The following RABL6 variants were observed in gnomAD, a reference collection of about 807,000 sequenced individuals.
The protein encoded by RABL6 is RAB, member RAS oncogene family like 6.
A neutral mutation model predicts 72.9 loss-of-function variants in RABL6; 28 were observed. That is an observed-to-expected ratio of 0.38 (90% CI 0.28 to 0.53). The LOEUF is 0.53. RABL6 is among the 20% of genes least tolerant of loss of function. The pLI, the probability that RABL6 is intolerant of heterozygous loss-of-function variation, is 0.80. For synonymous variants in RABL6, 477 were observed against 421.2 expected (o/e 1.13, Z -1.62); for missense variants, 1,029 against 1,008.4 (o/e 1.02, Z -0.28).
chr9:136,829,890 T>C (rs1299422595), intron 5 of RABL6, among the ~76,000 whole-genome samples: 3 of 152,152 alleles, frequency 2.0e-5, no homozygotes, highest in African/African-American at 7.2e-5. Context: ...GACAGCGAAA[T>C]CAGCTAAGGG....
chr9:136,831,005 C>T (rs377049797), intron 5 of RABL6: 13 of 154,740 alleles, frequency 8.4e-5, no homozygotes, highest in African/African-American at 2.9e-4. Context: ...GCCCCTGGGC[C>T]GGCCTTGGTG....
In RABL6 at chr9:136,837,132, C is replaced by A. The variant is rs1378586171; in HGVS notation, c.810-214C>A. 1.1e-5 allele frequency: 8 copies of A among 698,396 alleles called. No individual in the cohort carries two copies. In the African/African-American group the frequency reaches 1.2e-4, roughly 11 times the overall value. 43.3% of individuals were successfully genotyped at this position (698,396 alleles called of 1,614,324 possible). On this transcript the variant is annotated intron_variant, in intron 8 of 14. Coordinates refer to ENST00000311502, the MANE Select transcript of RABL6 (RefSeq NM_024718.5). ...CCTCGTGATCTGCCTGCCTTGGCCT[C>A]CTACAGTGCTGGGATTACAGGCATG...
intron 1 of RABL6, chr9:136,815,201 G>A: frequency 3.1e-6 from 1 of 327,862 alleles, no homozygotes; most frequent in South Asian, 2.7e-5. Context: ...CCCCTTGGCT[G>A]GGGTGTCCCT....
intron 2 of RABL6, among the ~76,000 whole-genome samples, chr9:136,825,472 A>G (rs1848334432): frequency 6.8e-6 from 1 of 146,586 alleles, no homozygotes; most frequent in African/African-American, 2.6e-5. Context: ...CGTGCCCAGG[A>G]TCGGGGCCCT....
rs1459800193 is a variant in RABL6, at chr9:136,826,228, G to A, written c.313+402G>A. On this transcript the variant is annotated intron_variant, in intron 3 of 14. Transcript: ENST00000311502. This position sits in a 1 kb window ranked among gnomAD's most constrained non-coding sequence, Gnocchi z 4.9. Reference sequence around the variant, plus strand: ...GCTCCTGCGCTCCTGTCCCTGCCAGGGATCCCCAGCCACACAGACCTGCAC... The same window carrying A: ...GCTCCTGCGCTCCTGTCCCTGCCAGAGATCCCCAGCCACACAGACCTGCAC... Among the ~76,000 whole-genome samples, 3 of 152,168 alleles carry A rather than the reference G, an allele frequency of 2.0e-5. 1 individual carries two copies. Among genetic ancestry groups the A allele is most frequent in the African/African-American group, 7.2e-5 (3 of 41,446 alleles).
intron 1 of RABL6, chr9:136,813,741 G>C (rs1848061710): frequency 2.6e-4 from 49 of 186,074 alleles, no homozygotes; most frequent in South Asian, 8.6e-4. Context: ...TCAGCCTCCC[G>C]AGTAGCTGGG....
intron 3 of RABL6, chr9:136,827,685 C>CTCA (rs1255226985): frequency 6.6e-6 from 1 of 152,318 alleles, no homozygotes; most frequent in African/African-American, 2.4e-5. Context: ...AGGGGCTGAC[C>CTCA]CCCTGACTGG....
In RABL6 at chr9:136,808,349, G is replaced by T. The variant is rs746395593; in HGVS notation, c.130+23G>T. The stretch of plus-strand genomic sequence containing the variant: ...ACAGTGAGTGCGGCGGGCCGGGGGG[G>T]CGCGGGAGCGCCGCGCGGGTCTCCG... On this transcript the variant is annotated intron_variant, in intron 1 of 14. Coordinates refer to ENST00000311502, the MANE Select transcript of RABL6 (RefSeq NM_024718.5). The T allele has an allele frequency of 9.4e-6, 14 of 1,487,558 alleles. No individual in the cohort carries two copies. The Admixed American group carries it at 1.5e-4, about 16-fold the overall frequency. The allele number at this position is 1,487,558 out of a possible 1,614,324, so 92.1% of individuals were successfully genotyped here. A position where few individuals can be genotyped will look rare whatever the true frequency, so the allele number is the denominator to read the frequency against.
intron 7 of RABL6, chr9:136,833,626 G>T (rs1289956814): frequency 6.7e-7 from 1 of 1,497,540 alleles, no homozygotes; most frequent in Non-Finnish European, 9.0e-7. Context: ...AGCTGGGTCT[G>T]GGGGACCTGA....
At chr9:136,813,504 T>A in intron 1 of RABL6, 1 of 448,258 alleles carries the variant, frequency 2.2e-6, no homozygotes, top group Non-Finnish European at 4.1e-6. Context: ...CTCTGTTCCC[T>A]GCGTTTCTTC....
At chr9:136,818,636 T>G (rs894687854) in intron 1 of RABL6, among the ~76,000 whole-genome samples, 4 of 151,750 alleles carry the variant, frequency 2.6e-5, no homozygotes, top group Non-Finnish European at 4.4e-5. Flanking sequence ...TCTCAGCTAC[T>G]CGAGAGGCTG....
chr9:136,833,428 C>A (rs531976193), intron 7 of RABL6: 1 of 430,522 alleles, frequency 2.3e-6, no homozygotes, highest in African/African-American at 2.1e-5. Context: ...ACCTCCTCGC[C>A]CTGGGCTGCC....
chr9:136,819,058 C>T (rs1045923655), intron 1 of RABL6, among the ~76,000 whole-genome samples: 1 of 151,896 alleles, frequency 6.6e-6, no homozygotes, highest in African/African-American at 2.4e-5. Context: ...CGCGGTGGCT[C>T]ACGCCTGTAA....
chr9:136,831,502 G>A (rs1017167138), intron 5 of RABL6, among the ~76,000 whole-genome samples: 4 of 152,252 alleles, frequency 2.6e-5, no homozygotes, highest in African/African-American at 4.8e-5. Flanking sequence ...AGTACCTGCC[G>A]TCAGGGAGAG....
At position 136,840,180 on chromosome 9, in the gene RABL6, G is replaced by A. The variant is rs756161245; in HGVS notation, c.1957G>A (p.Glu653Lys). 2.5e-5 allele frequency: 41 copies of A among 1,612,374 alleles called. No homozygotes were observed. The highest frequency in any genetic ancestry group is 4.5e-5 in the East Asian group (2 of 44,850). Residue 653 changes from glutamate to lysine, a missense_variant, in exon 14 of 15, where the codon GAG becomes AAG. By Grantham distance (56) the Glu-to-Lys change is moderately conservative (BLOSUM62 1). This residue lies in a region of RABL6 where 595 missense variants were observed against 472.4 expected (regional missense o/e 1.26). Coordinates refer to ENST00000311502, the MANE Select transcript of RABL6 (RefSeq NM_024718.5). Reference protein sequence around the residue: ...EGKEGKTPSKEKKKKKKKGKE... With the variant: ...EGKEGKTPSKKKKKKKKKGKE... ...TAAGGAGGGCAAAACCCCCTCTAAG[G>A]AGAAGAAGAAGAAGAAGAAAAAAGG...
intron 1 of RABL6, among the ~76,000 whole-genome samples, chr9:136,822,904 C>T (rs975983434): frequency 3.0e-4 from 45 of 152,182 alleles, no homozygotes; most frequent in Admixed American, 4.6e-4. Flanking sequence ...CTGGCTAACA[C>T]GGTGAAACCC....
chr9:136,822,506 T>C (rs893913547), intron 1 of RABL6, among the ~76,000 whole-genome samples: 3 of 152,314 alleles, frequency 2.0e-5, no homozygotes, highest in African/African-American at 7.2e-5. Context: ...GCACAGCTTC[T>C]CGGTCATTCT....
At chr9:136,832,845 A>C (rs1848506822) in intron 7 of RABL6, 1 of 314,550 alleles carries the variant, frequency 3.2e-6, no homozygotes. Context: ...CAAGGAACCA[A>C]CTTTGGCCTA....
At chr9:136,828,597 G>A (rs973907422) in intron 4 of RABL6, 51 bp downstream of exon 4, 49 of 1,573,414 alleles carry the variant, frequency 3.1e-5, no homozygotes, top group South Asian at 2.0e-4. Context: ...CCCGGGGTGC[G>A]TGAGCCGGTG....
Sources: allele counts gnomAD v4.1 joint callset (sites outside exome capture counted in the v4.1 genomes callset), GRCh38; gene constraint gnomAD v4.1.1; regional missense constraint gnomAD v4.1.1; non-coding constraint Gnocchi (gnomAD v3.1); transcripts MANE v1.5; gene names NCBI Gene and HGNC (gene_info 2026-07-23, HGNC 2026-07-21).